Variants in MEI4 observed in about 807,000 individuals in gnomAD.
The protein encoded by MEI4 is meiotic double-stranded break formation protein 4, also known as meiosis-specific protein MEI4.
A neutral mutation model predicts 31.4 loss-of-function variants in MEI4; 27 were observed. The ratio of observed to expected loss-of-function variants is 0.86; its 90% confidence interval spans 0.63 to 1.19. The LOEUF is 1.19. MEI4 is among the 50% of genes most tolerant of loss of function. MEI4 has a pLI of 0.00. For synonymous variants in MEI4, 122 were observed against 145.4 expected, an observed-to-expected ratio of 0.84 and a Z score of 1.16; for missense variants, 329 against 398.9, an observed-to-expected ratio of 0.82 and a Z score of 1.49.
chr6:77,710,520 C>CA (rs1198470708), intron 2 of MEI4, among the ~76,000 whole-genome samples: 1,937 of 57,388 alleles, frequency 0.034, 81 homozygotes, highest in African/African-American at 0.084. Context: ...GACTCCATCT[C>CA]AAAAAAAAAA....
At chr6:77,881,210 T>A (rs1771481693) in intron 4 of MEI4, among the ~76,000 whole-genome samples, 2 of 152,186 alleles carry the variant, frequency 1.3e-5, no homozygotes, top group Non-Finnish European at 1.5e-5. Context: ...AATGTTGTGG[T>A]AAACAGACTA....
At chr6:77,753,290 G>A (rs1402010592) in intron 2 of MEI4, among the ~76,000 whole-genome samples, 1 of 151,996 alleles carries the variant, frequency 6.6e-6, no homozygotes, top group Non-Finnish European at 1.5e-5. Context: ...CACAGCAGAA[G>A]AAACTATCAT....
intron 4 of MEI4, among the ~76,000 whole-genome samples, chr6:77,915,298 T>C (rs899023586): frequency 6.6e-6 from 1 of 152,126 alleles, no homozygotes; most frequent in Non-Finnish European, 1.5e-5. Context: ...GTAGGACTCC[T>C]TTCAGCATTT....
rs144679602 is a variant in MEI4, at chr6:77,770,484, T to A, written c.768+8819T>A. The stretch of plus-strand genomic sequence containing the variant: ...TGCTATTCCTGTCAAAATACCAATC[T>A]TATTCTTCACAAAAAAAAAATTAAA... On this transcript the variant is annotated intron_variant, in intron 3 of 4. Coordinates refer to ENST00000684080, the MANE Select transcript of MEI4 (RefSeq NM_001322247.2). Among the ~76,000 whole-genome samples the A allele has an allele frequency of 1.4e-3, 213 of 152,026 alleles. 1 individual carries two copies. Among genetic ancestry groups the A allele is most frequent in the African/African-American group, 4.5e-3 (187 of 41,458 alleles).
intron 3 of MEI4, among the ~76,000 whole-genome samples, chr6:77,796,016 A>C (rs937036779): frequency 6.6e-6 from 1 of 152,206 alleles, no homozygotes; most frequent in Non-Finnish European, 1.5e-5. Context: ...AAATAGTAGC[A>C]AACCAATTTC....
chr6:77,826,178 T>C (rs1483214611), intron 3 of MEI4, among the ~76,000 whole-genome samples: 2 of 152,232 alleles, frequency 1.3e-5, no homozygotes, highest in African/African-American at 2.4e-5. Flanking sequence ...TAAATTTATA[T>C]AGCACCTCTT....
chr6:77,784,917 T>C (rs1211876375), intron 3 of MEI4, among the ~76,000 whole-genome samples: 2 of 152,174 alleles, frequency 1.3e-5, no homozygotes, highest in African/African-American at 4.8e-5. Context: ...AAGAGCTACT[T>C]GTCCAAAGTT....
At chr6:77,921,123 G>A (rs1766692730) in intron 4 of MEI4, among the ~76,000 whole-genome samples, 1 of 151,840 alleles carries the variant, frequency 6.6e-6, no homozygotes, top group Non-Finnish European at 1.5e-5. Flanking sequence ...TTCAGTAGAA[G>A]GCTGTTTCAT....
chr6:77,912,920 T>C (rs1766463713), intron 4 of MEI4, among the ~76,000 whole-genome samples: 1 of 152,194 alleles, frequency 6.6e-6, no homozygotes, highest in African/African-American at 2.4e-5. Context: ...AATTTCTCCA[T>C]TCAGTCTGAT....
At chr6:77,887,534 T>C (rs933113248) in intron 4 of MEI4, among the ~76,000 whole-genome samples, 2 of 152,116 alleles carry the variant, frequency 1.3e-5, no homozygotes, top group Admixed American at 6.6e-5. Context: ...TGACCTCAGA[T>C]GATCCACCCC....
chr6:77,829,174 C>T, intron 4 of MEI4, 112 bp downstream of exon 4: 8 of 763,648 alleles, frequency 1.0e-5, no homozygotes, highest in Non-Finnish European at 1.4e-5. Context: ...TAGTTATTAC[C>T]TTATGTCTAA....
intron 4 of MEI4, among the ~76,000 whole-genome samples, chr6:77,867,963 A>C (rs1264905208): frequency 3.9e-5 from 6 of 152,102 alleles, no homozygotes; most frequent in Non-Finnish European, 8.8e-5. Flanking sequence ...AAACTATTGC[A>C]AGGACAAAAA....
chr6:77,745,859 C>T (rs1236514294), intron 2 of MEI4, among the ~76,000 whole-genome samples: 2 of 152,120 alleles, frequency 1.3e-5, no homozygotes, highest in African/African-American at 4.8e-5. Flanking sequence ...ACAACATGCT[C>T]CTGAATGACT....
At chr6:77,800,982 G>C (rs1304442931) in intron 3 of MEI4, among the ~76,000 whole-genome samples, 4 of 152,086 alleles carry the variant, frequency 2.6e-5, no homozygotes, top group Non-Finnish European at 5.9e-5. Context: ...GCCAGGCTTT[G>C]GTATCAGGAT....
chr6:77,661,942 C>T (rs997111366), intron 1 of MEI4, among the ~76,000 whole-genome samples: 13 of 152,112 alleles, frequency 8.5e-5, no homozygotes, highest in Non-Finnish European at 1.5e-4. Flanking sequence ...TGGGATCTGA[C>T]GCCTTTTGAT....
intron 3 of MEI4, among the ~76,000 whole-genome samples, chr6:77,804,391 C>T (rs1464434942): frequency 6.6e-6 from 1 of 152,214 alleles, no homozygotes; most frequent in African/African-American, 2.4e-5. Flanking sequence ...TCCCTGACCC[C>T]TTGCACTTCT....
At position 77,776,169 on chromosome 6, in the gene MEI4, T is replaced by TTG. The variant is rs1554163535; in HGVS notation, c.768+14505_768+14506insGT. On this transcript the variant is annotated intron_variant, in intron 3 of 4. Transcript: ENST00000684080. ...ACTCTGCTAATTGTTTTTTTTTTGT[T>TTG]TTTGTTTTTGTTTTTGTTTTTTTGC... Among the ~76,000 whole-genome samples the TTG allele has an allele frequency of 2.4e-3, 243 of 100,796 alleles. 1 individual carries two copies. The highest frequency in any genetic ancestry group is 9.2e-3 in the African/African-American group (215 of 23,310). The allele number at this position is 100,796 out of a possible 152,430, so 66.1% of individuals were successfully genotyped here. A position where few individuals can be genotyped will look rare whatever the true frequency, so the allele number is the denominator to read the frequency against.
chr6:77,797,218 A>T (rs1380687296), intron 3 of MEI4, among the ~76,000 whole-genome samples: 4 of 152,280 alleles, frequency 2.6e-5, no homozygotes, highest in African/African-American at 9.6e-5. Flanking sequence ...TAAATATAAG[A>T]CCTGAAACTA....
rs556564865 is a variant in MEI4 at position 77,661,900 on chromosome 6, C to T, written c.-15+8808C>T. Among the ~76,000 whole-genome samples the T allele has an allele frequency of 2.2e-4, 34 of 152,244 alleles. 1 individual carries two copies. Among genetic ancestry groups the T allele is most frequent in the Admixed American group, 1.5e-3 (23 of 15,296 alleles). On this transcript the variant is annotated intron_variant, in intron 1 of 4. Transcript: ENST00000684080. ...TTGGAGAGCTAGCTGCTTGTCTAGC[C>T]ACCTTATCAGCATAAGCATTGCCTA...
Sources: allele counts gnomAD v4.1 joint callset (sites outside exome capture counted in the v4.1 genomes callset), GRCh38; gene constraint gnomAD v4.1.1; transcripts MANE v1.5; gene names NCBI Gene and HGNC (gene_info 2026-07-23, HGNC 2026-07-21).